The following MOXD1 variants were observed in gnomAD, a reference collection of about 807,000 sequenced individuals.
The protein encoded by MOXD1 is DBH-like monooxygenase protein 1.
Under a neutral mutation model 66.6 loss-of-function variants are expected in MOXD1, and 62 were observed. That is an observed-to-expected ratio of 0.93 (90% confidence interval 0.76 to 1.15). The LOEUF is 1.15. Among genes scored for constraint, MOXD1 ranks in the 50% most tolerant of loss-of-function variants. The pLI is 0.00. For missense variants in MOXD1, 847 were observed against 754.6 expected (o/e 1.12, Z -1.44); for synonymous variants, 303 against 281.9 (o/e 1.07, Z -0.75).
intron 4 of MOXD1, among the ~76,000 whole-genome samples, chr6:132,341,254 C>A (rs1474422994): frequency 1.3e-5 from 2 of 152,146 alleles, no homozygotes; most frequent in African/African-American, 4.8e-5. Flanking sequence ...TACTTTGTAC[C>A]ATGTGAGGAC....
At chr6:132,321,116 T>C (rs1374484349) in intron 8 of MOXD1, among the ~76,000 whole-genome samples, 1 of 152,062 alleles carries the variant, frequency 6.6e-6, no homozygotes, top group Non-Finnish European at 1.5e-5. Flanking sequence ...AATACAAAAA[T>C]TAGCCAGGCG....
chr6:132,377,627 C>A (rs767501182), intron 1 of MOXD1, among the ~76,000 whole-genome samples: 3 of 152,148 alleles, frequency 2.0e-5, no homozygotes, highest in Non-Finnish European at 2.9e-5. Context: ...ACCCCTTGCG[C>A]CATCTGCCCT....
At chr6:132,316,693 C>T (rs796329149) in intron 9 of MOXD1, among the ~76,000 whole-genome samples, 34 of 152,138 alleles carry the variant, frequency 2.2e-4, no homozygotes, top group African/African-American at 7.9e-4. Context: ...AGAAATTGTC[C>T]TATTCAAATA....
intron 10 of MOXD1, among the ~76,000 whole-genome samples, chr6:132,304,510 C>T (rs1356761062): frequency 6.6e-6 from 1 of 152,192 alleles, no homozygotes; most frequent in East Asian, 1.9e-4. Flanking sequence ...CAAGGTCTTT[C>T]AGCTGCCATG....
chr6:132,317,116 A>C (rs1303742992), intron 9 of MOXD1, among the ~76,000 whole-genome samples: 1 of 152,182 alleles, frequency 6.6e-6, no homozygotes, highest in East Asian at 1.9e-4. Context: ...TGGAAATAAC[A>C]AAAAGATATT....
intron 4 of MOXD1, among the ~76,000 whole-genome samples, chr6:132,364,890 T>TGG (rs1776088674): frequency 2.0e-5 from 3 of 152,138 alleles, no homozygotes; most frequent in Non-Finnish European, 4.4e-5. Flanking sequence ...TCCACACTAG[T>TGG]AGGCTGAGGA....
intron 4 of MOXD1, among the ~76,000 whole-genome samples, chr6:132,330,428 G>A (rs1043493338): frequency 6.6e-6 from 1 of 152,128 alleles, no homozygotes; most frequent in African/African-American, 2.4e-5. Flanking sequence ...CTGATGATCT[G>A]AGGTGGAACA....
At chr6:132,395,949 G>A (rs1038235844) in intron 1 of MOXD1, among the ~76,000 whole-genome samples, 6 of 152,016 alleles carry the variant, frequency 3.9e-5, no homozygotes, top group African/African-American at 1.2e-4. Flanking sequence ...TAATAGGAAC[G>A]TTAATAGCCC....
At chr6:132,298,066 G>T in intron 10 of MOXD1, 111 bp from the exon 11 acceptor site, 1 of 873,574 alleles carries the variant, frequency 1.1e-6, no homozygotes, top group Non-Finnish European at 1.6e-6. Flanking sequence ...CATACACATA[G>T]ATAACCTAAT....
At chr6:132,352,764 A>G (rs1775827842) in intron 4 of MOXD1, among the ~76,000 whole-genome samples, 2 of 152,140 alleles carry the variant, frequency 1.3e-5, no homozygotes, top group Non-Finnish European at 2.9e-5. Context: ...GTTGCTGTCT[A>G]TCTCAATTCT....
chr6:132,308,742 T>C lies in MOXD1; in HGVS notation c.1508+6893A>G, dbSNP rs180982677. ...CATGCAAATCAATAAACATAATCCA[T>C]CACATAAACAGAATCAAAGTCAAAA... On this transcript the variant is annotated intron_variant, in intron 10 of 11. Transcript: ENST00000367963. Among the ~76,000 whole-genome samples, 6 of 152,146 alleles carry C rather than the reference T, an allele frequency of 3.9e-5. No homozygotes were observed. The East Asian group carries it at 5.8e-4, about 15-fold the overall frequency.
chr6:132,394,523 G>C (rs1045779815), intron 1 of MOXD1, among the ~76,000 whole-genome samples: 1 of 152,014 alleles, frequency 6.6e-6, no homozygotes, highest in Non-Finnish European at 1.5e-5. Flanking sequence ...TTTTAAAGAA[G>C]CTCAGTAAGA....
intron 2 of MOXD1, 102 bp from the exon 3 acceptor site, chr6:132,373,099 G>A (rs1160340841): frequency 1.1e-5 from 12 of 1,135,010 alleles, no homozygotes; most frequent in African/African-American, 1.5e-5. Context: ...TAGAAGTGAA[G>A]AAAAGACAAT....
At position 132,323,719 on chromosome 6, in the gene MOXD1, C is replaced by A. The variant is rs1285077319; in HGVS notation, c.1113+212G>T. On this transcript the variant is annotated intron_variant, in intron 7 of 11. Transcript: ENST00000367963. ...AAAGGTAGGAGTAAGAAGAAAAACA[C>A]CCTGCCAACTACTTCTGTCTTTAGA... Among the ~76,000 whole-genome samples the A allele has an allele frequency of 6.0e-4, 92 of 152,138 alleles. 2 individuals carry two copies. Among genetic ancestry groups the A allele is most frequent in the Admixed American group, 6.0e-3 (91 of 15,264 alleles).
chr6:132,401,047 G>T (rs1777012894), intron 1 of MOXD1, 116 bp downstream of exon 1: 2 of 1,267,262 alleles, frequency 1.6e-6, no homozygotes, highest in Non-Finnish European at 2.1e-6. Context: ...GGGGCGCGGG[G>T]CTGCGCCAGG....
At chr6:132,380,970 C>T in intron 1 of MOXD1, among the ~76,000 whole-genome samples, 1 of 152,170 alleles carries the variant, frequency 6.6e-6, no homozygotes, top group East Asian at 1.9e-4. Context: ...AGGGTTTATA[C>T]ATGCAACAAC....
At chr6:132,308,770 C>G (rs1774755015) in intron 10 of MOXD1, among the ~76,000 whole-genome samples, 1 of 152,090 alleles carries the variant, frequency 6.6e-6, no homozygotes, top group African/African-American at 2.4e-5. Context: ...AGTCAAAAAC[C>G]ACATGATTAT....
intron 10 of MOXD1, among the ~76,000 whole-genome samples, chr6:132,301,830 T>C (rs1346336300): frequency 6.6e-6 from 1 of 152,114 alleles, no homozygotes; most frequent in African/African-American, 2.4e-5. Context: ...GGTTTGGACA[T>C]TGGAAAATAG....
chr6:132,298,872 A>G (rs906714269), intron 10 of MOXD1, among the ~76,000 whole-genome samples: 3 of 152,158 alleles, frequency 2.0e-5, no homozygotes, highest in African/African-American at 4.8e-5. Flanking sequence ...TAGATTTCTC[A>G]AAGAACTTAA....
Sources: gnomAD v4.1 joint callset for allele counts (sites outside exome capture counted in the v4.1 genomes callset) on GRCh38, gnomAD v4.1.1 for gene constraint, MANE v1.5 for transcripts, NCBI Gene and HGNC (gene_info 2026-07-23, HGNC 2026-07-21) for gene names.